FBXL17: variants seen among roughly 807,000 people sequenced by gnomAD.
The protein encoded by FBXL17 is F-box and leucine rich repeat protein 17.
Under a neutral mutation model 66.2 loss-of-function variants are expected in FBXL17, and 22 were observed. The ratio of observed to expected loss-of-function variants is 0.33; its 90% confidence interval spans 0.24 to 0.47. The LOEUF (loss-of-function observed/expected upper bound fraction) is 0.47. Ranked by LOEUF, FBXL17 falls within the 20% of genes least tolerant of loss-of-function variation. The pLI is 1.00. For synonymous variants in FBXL17, 474 were observed against 400.5 expected (o/e 1.18, Z -2.19); for missense variants, 878 against 948.2 (o/e 0.93, Z 0.97).
chr5:108,278,934 G>C (rs537470480), intron 4 of FBXL17, among the ~76,000 whole-genome samples: 4 of 152,276 alleles, frequency 2.6e-5, no homozygotes, highest in African/African-American at 9.6e-5. Context: ...GGGTCCTAAA[G>C]GTTACAAACC....
intron 8 of FBXL17, among the ~76,000 whole-genome samples, chr5:107,870,817 C>A (rs1748420936): frequency 6.6e-6 from 1 of 151,792 alleles, no homozygotes. Context: ...AATCTCCTGA[C>A]CTCGTGATCT....
chr5:108,090,578 T>C (rs1324265779), intron 6 of FBXL17, among the ~76,000 whole-genome samples: 1 of 152,252 alleles, frequency 6.6e-6, no homozygotes, highest in Non-Finnish European at 1.5e-5. Flanking sequence ...AAAGCATTTG[T>C]AAACAATATG....
At chr5:108,365,059 TAATTA>T in intron 2 of FBXL17, 64 bp from the exon 3 acceptor site, 1 of 1,175,762 alleles carries the variant, frequency 8.5e-7, no homozygotes, top group Non-Finnish European at 1.2e-6. Flanking sequence ...TTCCATTTTT[TAATTA>T]AATGTTCCAC....
At chr5:108,177,447 A>C (rs947229391) in intron 6 of FBXL17, among the ~76,000 whole-genome samples, 1 of 152,232 alleles carries the variant, frequency 6.6e-6, no homozygotes. Flanking sequence ...AACCATGTTC[A>C]GAATGATCAA....
rs1215541366 is a variant in FBXL17 at position 108,381,414 on chromosome 5, G to A, written c.278C>T (p.Ala93Val). 2 of 1,324,298 alleles carry A rather than the reference G, an allele frequency of 1.5e-6. No individual in the cohort carries two copies. The highest frequency in any genetic ancestry group is 1.9e-6 in the Non-Finnish European group (2 of 1,046,014). The allele number at this position is 1,324,298 out of a possible 1,614,324, so 82.0% of individuals were successfully genotyped here. The change falls in exon 1 of 9, where the codon GCC (alanine) becomes GTC (valine). Residue 93 changes from alanine (A) to valine (V), a missense_variant. Around this residue, in one of 4 missense-constraint regions of FBXL17, gnomAD observed 605 missense variants for 509.5 expected, o/e 1.19. Coordinates refer to ENST00000542267, the MANE Select transcript of FBXL17 (RefSeq NM_001163315.3). ...CGCCAGGTGCTGAGAGGAGGAGGCGGCAGCGTAGGCCCCGTCCCGCGGCGG... is the reference window on the plus strand; with the variant it reads ...CGCCAGGTGCTGAGAGGAGGAGGCGACAGCGTAGGCCCCGTCCCGCGGCGG... Reference protein sequence around the residue: ...SPPPRDGAYAAASSSQHLARR... With the variant: ...SPPPRDGAYAVASSSQHLARR...
At chr5:108,074,310 AT>A (rs33988328) in intron 6 of FBXL17, among the ~76,000 whole-genome samples, 71,758 of 137,248 alleles carry the variant, frequency 0.52, 18,502 homozygotes, top group East Asian at 0.73. Context: ...ATTTGAAAAG[AT>A]TTTTTTTTTT....
At chr5:108,238,786 C>T (rs139412170) in intron 4 of FBXL17, among the ~76,000 whole-genome samples, 1 of 152,152 alleles carries the variant, frequency 6.6e-6, no homozygotes, top group African/African-American at 2.4e-5. Flanking sequence ...TTTCAGATTA[C>T]AGGTGTGAGC....
intron 8 of FBXL17, among the ~76,000 whole-genome samples, chr5:107,862,539 G>A (rs1748154842): frequency 1.3e-5 from 2 of 152,152 alleles, no homozygotes; most frequent in South Asian, 4.1e-4. Flanking sequence ...GGATTAATTT[G>A]TCAATTATTT....
chr5:108,341,417 A>G (rs1746873535), intron 4 of FBXL17, among the ~76,000 whole-genome samples: 1 of 152,174 alleles, frequency 6.6e-6, no homozygotes, highest in Admixed American at 6.5e-5. Flanking sequence ...TACGAATGTA[A>G]GACAACAGAG....
chr5:108,061,606 T>A (rs1389044010), intron 6 of FBXL17, among the ~76,000 whole-genome samples: 1 of 152,150 alleles, frequency 6.6e-6, no homozygotes, highest in Non-Finnish European at 1.5e-5. Context: ...ATTAAACGAA[T>A]AGTCAGGTCT....
chr5:108,318,855 A>T (rs1580807984), intron 4 of FBXL17, among the ~76,000 whole-genome samples: 1 of 152,090 alleles, frequency 6.6e-6, no homozygotes, highest in Middle Eastern at 3.4e-3. Flanking sequence ...ATATTTATAA[A>T]GGGATAACTG....
At chr5:108,012,400 T>C (rs1417178803) in intron 7 of FBXL17, among the ~76,000 whole-genome samples, 5 of 152,224 alleles carry the variant, frequency 3.3e-5, no homozygotes, top group Non-Finnish European at 7.3e-5. Flanking sequence ...AAAGTTATAG[T>C]GAATAAGTAA....
intron 4 of FBXL17, among the ~76,000 whole-genome samples, chr5:108,308,009 G>A (rs569025118): frequency 1.3e-5 from 2 of 152,084 alleles, no homozygotes; most frequent in East Asian, 3.9e-4. Flanking sequence ...CTTACATATT[G>A]GATGACCAAT....
intron 4 of FBXL17, among the ~76,000 whole-genome samples, chr5:108,253,710 G>A (rs1756456737): frequency 6.6e-6 from 1 of 152,080 alleles, no homozygotes; most frequent in Non-Finnish European, 1.5e-5. Context: ...TGTTTAAAGT[G>A]GGCTGGGTGC....
intron 6 of FBXL17, among the ~76,000 whole-genome samples, chr5:108,176,655 T>C (rs76816479): frequency 0.013 from 1,944 of 152,208 alleles, 44 homozygotes; most frequent in African/African-American, 0.043. Flanking sequence ...TATATACATA[T>C]CATATAGATT....
At chr5:108,265,833 T>C (rs967773758) in intron 4 of FBXL17, among the ~76,000 whole-genome samples, 3 of 152,166 alleles carry the variant, frequency 2.0e-5, no homozygotes, top group African/African-American at 7.2e-5. Context: ...GGGTAGAACC[T>C]GAGTTCCTGC....
intron 4 of FBXL17, among the ~76,000 whole-genome samples, chr5:108,304,780 T>C (rs1247310728): frequency 6.6e-6 from 1 of 152,030 alleles, no homozygotes; most frequent in Non-Finnish European, 1.5e-5. Flanking sequence ...ATTCCTTTTC[T>C]GTTACCTCAT....
intron 6 of FBXL17, among the ~76,000 whole-genome samples, chr5:108,121,714 G>A (rs1180809858): frequency 6.6e-6 from 1 of 151,982 alleles, no homozygotes; most frequent in Non-Finnish European, 1.5e-5. Flanking sequence ...CCGCCACCAC[G>A]CCTGGCTAAT....
Position 108,009,296 on chromosome 5 carries a change from TATATAC to T in FBXL17, c.1822+11623_1822+11628del, listed in dbSNP as rs1240045812. Among the ~76,000 whole-genome samples the T allele has an allele frequency of 4.1e-3, 132 of 32,422 alleles. 18 individuals are homozygous for T. Among genetic ancestry groups the T allele is most frequent in the Middle Eastern group, 0.016 (1 of 64 alleles). The allele number at this position is 32,422 out of a possible 152,430, so 21.3% of individuals were successfully genotyped here. A position where few individuals can be genotyped will look rare whatever the true frequency, so the allele number is the denominator to read the frequency against. On this transcript the variant is annotated intron_variant, in intron 7 of 8. Transcript: ENST00000542267. ...ATATATATATATATATATATATATA[TATATAC>T]ATATATACATACACATATAGTTTTG... is the stretch of plus-strand genomic sequence containing the variant.
Sources: allele counts gnomAD v4.1 joint callset (sites outside exome capture counted in the v4.1 genomes callset), GRCh38; gene constraint gnomAD v4.1.1; regional missense constraint gnomAD v4.1.1; transcripts MANE v1.5; gene names NCBI Gene and HGNC (gene_info 2026-07-23, HGNC 2026-07-21).